Variants in NPAS3 observed in about 807,000 individuals in gnomAD.
NPAS3 encodes the protein neuronal PAS domain protein 3.
Under a neutral mutation model 73.1 loss-of-function variants are expected in NPAS3, and 14 were observed. The observed-to-expected ratio is 0.19, with a 90% CI of 0.13 to 0.30. The LOEUF (loss-of-function observed/expected upper bound fraction) is 0.30, where lower values mean the gene tolerates loss of function less well. Among genes scored for constraint, NPAS3 ranks in the 10% least tolerant of loss-of-function variants. The probability of loss-of-function intolerance (pLI) is 1.00; values close to 1 mark genes in which losing one functional copy is unlikely to be tolerated. For missense variants in NPAS3, 1,096 were observed against 1,250.0 expected, an observed-to-expected ratio of 0.88 and a Z score of 1.86; for synonymous variants, 620 against 541.5, an observed-to-expected ratio of 1.14 and a Z score of -2.01.
At chr14:32,994,781 G>A (rs1055710226) in intron 1 of NPAS3, among the ~76,000 whole-genome samples, 21 of 152,140 alleles carry the variant, frequency 1.4e-4, no homozygotes, top group African/African-American at 4.8e-4. Flanking sequence ...ACAGGCATGT[G>A]CCACCATACT....
intron 5 of NPAS3, among the ~76,000 whole-genome samples, chr14:33,639,417 A>C (rs1329622646): frequency 6.6e-6 from 1 of 152,336 alleles, no homozygotes; most frequent in South Asian, 2.1e-4. Context: ...ACAAAGTTAT[A>C]ATTTATTTTA....
intron 3 of NPAS3, among the ~76,000 whole-genome samples, chr14:33,343,303 C>T (rs1266922995): frequency 1.3e-5 from 2 of 152,052 alleles, no homozygotes; most frequent in African/African-American, 4.8e-5. Context: ...TTCTTTTTTT[C>T]TCATCGTCCC....
chr14:33,198,945 G>C (rs1039109151), intron 2 of NPAS3, among the ~76,000 whole-genome samples: 1 of 152,214 alleles, frequency 6.6e-6, no homozygotes, highest in Admixed American at 6.5e-5. Context: ...AGTGCTGGGG[G>C]AACCCAGGGC....
At chr14:33,774,678 CATGCTTT>C (rs2138473559) in intron 8 of NPAS3, 148 bp downstream of exon 8, 1 of 629,186 alleles carries the variant, frequency 1.6e-6, no homozygotes, top group Admixed American at 3.0e-5. Context: ...TGACACCAAA[CATGCTTT>C]TTATTTAAAA....
At chr14:33,244,525 AC>A (rs1281540963) in intron 3 of NPAS3, among the ~76,000 whole-genome samples, 2 of 150,554 alleles carry the variant, frequency 1.3e-5, no homozygotes, top group Non-Finnish European at 3.0e-5. Context: ...AAAAAAAAAA[AC>A]ATATTTATCT....
intron 1 of NPAS3, among the ~76,000 whole-genome samples, chr14:32,986,036 G>C (rs544383944): frequency 6.6e-6 from 1 of 152,292 alleles, no homozygotes; most frequent in South Asian, 2.1e-4. Flanking sequence ...CATGGGCGCC[G>C]CTGTGAGGAT....
chr14:33,401,960 G>C (rs1443891020), intron 4 of NPAS3, among the ~76,000 whole-genome samples: 1 of 152,108 alleles, frequency 6.6e-6, no homozygotes, highest in East Asian at 1.9e-4. Context: ...TTCTAAGTTA[G>C]AGGAAAAGAA....
At chr14:33,479,194 A>G (rs10134571) in intron 4 of NPAS3, among the ~76,000 whole-genome samples, 47,168 of 152,190 alleles carry the variant, frequency 0.31, 12,705 homozygotes, top group African/African-American at 0.73. Context: ...GCCAACTAAG[A>G]TTAGCAAATG....
intron 2 of NPAS3, among the ~76,000 whole-genome samples, chr14:33,092,636 A>G (rs2042266767): frequency 6.6e-6 from 1 of 152,214 alleles, no homozygotes; most frequent in Non-Finnish European, 1.5e-5. Flanking sequence ...TTCATATGGA[A>G]CCTAAAAAGA....
At chr14:33,328,126 T>G (rs893647886) in intron 3 of NPAS3, among the ~76,000 whole-genome samples, 5 of 152,088 alleles carry the variant, frequency 3.3e-5, no homozygotes, top group Non-Finnish European at 5.9e-5. Flanking sequence ...TTAAGAAGTT[T>G]AGTGGAAAAA....
chr14:33,461,717 A>G (rs1449374978), intron 4 of NPAS3, among the ~76,000 whole-genome samples: 6 of 152,206 alleles, frequency 3.9e-5, no homozygotes, highest in South Asian at 2.1e-4. Flanking sequence ...GTATCCAATG[A>G]TAAGGTTATG....
At chr14:33,274,769 T>G (rs1449208709) in intron 3 of NPAS3, among the ~76,000 whole-genome samples, 1 of 152,184 alleles carries the variant, frequency 6.6e-6, no homozygotes, top group African/African-American at 2.4e-5. Context: ...CTCTGGAATT[T>G]AGGCCTCCTG....
chr14:33,453,700 A>G (rs1302386160), intron 4 of NPAS3, among the ~76,000 whole-genome samples: 1 of 152,242 alleles, frequency 6.6e-6, no homozygotes, highest in Non-Finnish European at 1.5e-5. Context: ...ATTCAGTCCC[A>G]GCTGGGCTTA....
At chr14:33,177,733 C>T (rs1254117758) in intron 2 of NPAS3, among the ~76,000 whole-genome samples, 1 of 152,172 alleles carries the variant, frequency 6.6e-6, no homozygotes, top group Non-Finnish European at 1.5e-5. Context: ...AATTCAGTTG[C>T]TCCAGCACAG....
intron 9 of NPAS3, among the ~76,000 whole-genome samples, chr14:33,792,647 C>A (rs1238065343): frequency 1.3e-5 from 2 of 151,882 alleles, no homozygotes; most frequent in Admixed American, 1.3e-4. Context: ...CACTTATTAG[C>A]CGTAATTAAA....
intron 3 of NPAS3, among the ~76,000 whole-genome samples, chr14:33,259,856 TC>T (rs548932543): frequency 0.078 from 3,205 of 41,042 alleles, 124 homozygotes; most frequent in African/African-American, 0.14. Flanking sequence ...AGCAGCAGCA[TC>T]TTTTTTTTTT....
chr14:33,008,493 G>A (rs2039077355), intron 1 of NPAS3, among the ~76,000 whole-genome samples: 1 of 152,132 alleles, frequency 6.6e-6, no homozygotes, highest in South Asian at 2.1e-4. Context: ...GGTCATAGGA[G>A]TGTTAGTCAA....
intron 4 of NPAS3, among the ~76,000 whole-genome samples, chr14:33,446,896 A>G (rs895722485): frequency 2.0e-5 from 3 of 152,240 alleles, no homozygotes; most frequent in Admixed American, 1.3e-4. Context: ...GTGAAATACT[A>G]TGTTTGAATC....
intron 6 of NPAS3, among the ~76,000 whole-genome samples, chr14:33,726,051 C>T (rs10498322): frequency 0.044 from 6,644 of 152,220 alleles, 216 homozygotes; most frequent in East Asian, 0.15. Flanking sequence ...CATTCAATAT[C>T]CATTAGGGTT....
Sources: allele counts gnomAD v4.1 joint callset (sites outside exome capture counted in the v4.1 genomes callset), GRCh38; gene constraint gnomAD v4.1.1; transcripts MANE v1.5; gene names NCBI Gene and HGNC (gene_info 2026-07-23, HGNC 2026-07-21).